NRG4: variants seen among roughly 807,000 people sequenced by gnomAD.
NRG4 encodes the protein pro-neuregulin-4, membrane-bound isoform.
A neutral mutation model predicts 15.0 loss-of-function variants in NRG4; 10 were observed. That is an observed-to-expected ratio of 0.67 (90% CI 0.41 to 1.13). NRG4 has a LOEUF of 1.13. NRG4 is among the 50% of genes most tolerant of loss of function. NRG4 has a pLI of 0.00. For missense variants in NRG4, 139 were observed against 140.2 expected, an observed-to-expected ratio of 0.99 and a Z score of 0.04; for synonymous variants, 41 against 50.1, an observed-to-expected ratio of 0.82 and a Z score of 0.77.
At chr15:76,046,037 A>G (rs1313082836) in intron 4 of NRG4, among the ~76,000 whole-genome samples, 1 of 151,180 alleles carries the variant, frequency 6.6e-6, no homozygotes, top group Non-Finnish European at 1.5e-5. Context: ...TATCTCATGT[A>G]ACCCATAAAT....
At chr15:75,951,322 C>A (rs539369766) in intron 5 of NRG4, among the ~76,000 whole-genome samples, 9 of 151,940 alleles carry the variant, frequency 5.9e-5, no homozygotes, top group South Asian at 4.2e-4. Context: ...CGCCTGCCAC[C>A]ACGCCCAGCT....
intron 3 of NRG4, among the ~76,000 whole-genome samples, chr15:76,004,897 C>T (rs796626127): frequency 6.6e-6 from 1 of 151,994 alleles, no homozygotes; most frequent in Non-Finnish European, 1.5e-5. Flanking sequence ...GGCACCAACC[C>T]CCATGCAGTC....
At chr15:75,962,934 T>A (rs932515814) in intron 3 of NRG4, among the ~76,000 whole-genome samples, 1 of 152,236 alleles carries the variant, frequency 6.6e-6, no homozygotes, top group African/African-American at 2.4e-5. Flanking sequence ...TCTACTAAAT[T>A]AATTATCTTC....
intron 5 of NRG4, among the ~76,000 whole-genome samples, chr15:76,018,420 A>C (rs1238017540): frequency 6.6e-6 from 1 of 151,984 alleles, no homozygotes; most frequent in Non-Finnish European, 1.5e-5. Flanking sequence ...TGGGTTTTGG[A>C]ATTTTCAGCC....
At chr15:76,004,513 C>T (rs1025804475) in intron 3 of NRG4, among the ~76,000 whole-genome samples, 2 of 151,022 alleles carry the variant, frequency 1.3e-5, no homozygotes, top group African/African-American at 4.9e-5. Flanking sequence ...GCAGGAGAAT[C>T]ACTTGAACGC....
chr15:75,971,095 A>G, intron 3 of NRG4: 1 of 299,654 alleles, frequency 3.3e-6, no homozygotes, highest in South Asian at 2.9e-5. Context: ...CAGTATAATA[A>G]AACAGATTGC....
At chr15:76,002,439 C>T (rs545296843) in intron 3 of NRG4, among the ~76,000 whole-genome samples, 54 of 152,096 alleles carry the variant, frequency 3.6e-4, no homozygotes, top group Non-Finnish European at 5.9e-4. Context: ...TGCTGGTCAA[C>T]GAGCAAATGG....
upstream of NRG4, among the ~76,000 whole-genome samples, chr15:76,014,152 T>A (rs534602741): frequency 3.3e-5 from 5 of 152,370 alleles, no homozygotes; most frequent in Admixed American, 1.3e-4. Flanking sequence ...TTTTGAAGAC[T>A]GTCTGTTCAT....
intron 2 of NRG4, among the ~76,000 whole-genome samples, chr15:76,011,015 A>G (rs879546201): frequency 6.6e-6 from 1 of 152,124 alleles, no homozygotes; most frequent in Non-Finnish European, 1.5e-5. Context: ...TAAAACACAT[A>G]TATCTAAAAT....
intron 4 of NRG4, among the ~76,000 whole-genome samples, chr15:75,957,341 C>T (rs1010204637): frequency 9.9e-5 from 15 of 152,164 alleles, no homozygotes; most frequent in African/African-American, 3.4e-4. Flanking sequence ...AAGTTGTCTT[C>T]ATCTTACCCT....
At position 75,953,849 on chromosome 15, in the gene NRG4, G is replaced by C. The variant is rs1309395614; in HGVS notation, c.331+2083C>G. On this transcript the variant is annotated intron_variant, in intron 5 of 5. Coordinates refer to ENST00000394907, the MANE Select transcript of NRG4 (RefSeq NM_138573.4). ...CTACAGATATGCACCATCATGCCCA[G>C]CTAATTTTGTTCTTTTTTGTAGAGA... Among the ~76,000 whole-genome samples, 3 of 152,192 alleles carry C rather than the reference G, an allele frequency of 2.0e-5. No individual in the cohort carries two copies. The East Asian group carries it at 5.8e-4, about 29-fold the overall frequency.
Position 75,961,831 on chromosome 15 carries a change from C to A in NRG4, c.248G>T (p.Cys83Phe). Residue 83 changes from cysteine (C) to phenylalanine (F), a missense_variant, in exon 4 of 6, where the codon TGC (cysteine) becomes TTC (phenylalanine). By Grantham distance (205) the Cys-to-Phe change is radical. Coordinates refer to ENST00000394907, the MANE Select transcript of NRG4 (RefSeq NM_138573.4). Reference protein sequence around the residue: ...TLIIGAFYFLCRKGHFQRASS... With the variant: ...TLIIGAFYFLFRKGHFQRASS... ...AGCATGTTTCTATTTTACTTACCTG[C>A]AAAGGAAGTAGAAGGCTCCAATGAT... 6.2e-7 allele frequency: 1 copy of A among 1,607,652 alleles called. No individual in the cohort carries two copies. Among genetic ancestry groups the A allele is most frequent in the Non-Finnish European group, 8.5e-7 (1 of 1,177,092 alleles).
rs182265536 is a variant in NRG4 at position 76,020,176 on chromosome 15, C to T, written c.-56-8890G>A. 1.5e-3 allele frequency among the ~76,000 whole-genome samples: 227 copies of T among 152,218 alleles called. 1 individual carries two copies. The highest frequency in any genetic ancestry group is 4.5e-3 in the Admixed American group (69 of 15,302). On this transcript the variant is annotated intron_variant, in intron 5 of 8. Coordinates refer to the NRG4 transcript ENST00000563910. ...TGCATATTCTGAATGCTCCATTGAC[C>T]GACCGTTCCCCTATCTCCTCTGGCC...
intron 5 of NRG4, 149 bp downstream of exon 5, chr15:75,955,783 G>A: frequency 2.1e-6 from 1 of 485,790 alleles, no homozygotes; most frequent in Non-Finnish European, 3.6e-6. Flanking sequence ...GTGAAAAAGG[G>A]TACCTGGCCA....
intron 5 of NRG4, among the ~76,000 whole-genome samples, chr15:76,018,146 A>C (rs946916662): frequency 3.9e-5 from 6 of 151,900 alleles, no homozygotes; most frequent in African/African-American, 1.2e-4. Context: ...ATGCTTGTTG[A>C]AGTTCTCGTG....
At chr15:75,954,231 TC>T (rs2032084762) in intron 5 of NRG4, among the ~76,000 whole-genome samples, 2 of 151,954 alleles carry the variant, frequency 1.3e-5, no homozygotes. Context: ...TGGTGTGTAA[TC>T]TGCTGTTAAT....
At chr15:76,031,424 A>C (rs1164480139) in intron 5 of NRG4, among the ~76,000 whole-genome samples, 2 of 152,238 alleles carry the variant, frequency 1.3e-5, no homozygotes, top group Non-Finnish European at 2.9e-5. Context: ...ACAGTGGCTC[A>C]TGCCTATAAT....
Position 75,943,562 on chromosome 15 carries a change from ATTC to A in NRG4, c.*73_*75del. 2 of 870,600 alleles carry A rather than the reference ATTC, an allele frequency of 2.3e-6. No homozygotes were observed. Among genetic ancestry groups the A allele is most frequent in the Non-Finnish European group, 3.8e-6 (2 of 526,032 alleles). 53.9% of individuals were successfully genotyped at this position (870,600 alleles called of 1,614,324 possible). ...TAAGAAATAAAGGATTAGATTTTTA[ATTC>A]TTTTACCTAGTGGTGTTTCATTTTC... On this transcript the variant is annotated 3_prime_UTR_variant, in exon 6 of 6. Coordinates refer to ENST00000394907, the MANE Select transcript of NRG4 (RefSeq NM_138573.4).
Position 75,992,211 on chromosome 15 carries a change from A to G in NRG4, c.104+16989T>C, listed in dbSNP as rs2034042741. On this transcript the variant is annotated intron_variant, in intron 3 of 5. Coordinates refer to ENST00000394907, the MANE Select transcript of NRG4 (RefSeq NM_138573.4). ...TACAGTCCATATTATCCACAAAACA[A>G]TGTCACTATTTTTGGTTTAGGTACT... is the stretch of plus-strand genomic sequence containing the variant. Among the ~76,000 whole-genome samples, 3 of 152,136 alleles carry G rather than the reference A, an allele frequency of 2.0e-5. No homozygotes were observed. In the South Asian group the frequency reaches 6.2e-4, roughly 31 times the overall value.
Sources: gnomAD v4.1 joint callset for allele counts (sites outside exome capture counted in the v4.1 genomes callset) on GRCh38, gnomAD v4.1.1 for gene constraint, MANE v1.5 for transcripts, NCBI Gene and HGNC (gene_info 2026-07-23, HGNC 2026-07-21) for gene names.